PHF21B: variants seen among roughly 807,000 people sequenced by gnomAD.
PHF21B encodes PHD finger protein 21B.
In PHF21B, 22 loss-of-function variants were observed where a neutral mutation model predicts 62.2. The observed-to-expected ratio is 0.35, with a 90% confidence interval of 0.25 to 0.51. The LOEUF is 0.51. Ranked by LOEUF, PHF21B falls within the 20% of genes least tolerant of loss-of-function variation. The pLI is 0.97. For synonymous variants in PHF21B, 341 were observed against 314.7 expected, an observed-to-expected ratio of 1.08 and a Z score of -0.88; for missense variants, 701 against 707.9, an observed-to-expected ratio of 0.99 and a Z score of 0.11.
In PHF21B at chr22:44,883,037, AGCAGGGTCCCAATAACTTTCCGT is replaced by A. The variant is rs758378782; in HGVS notation, c.*26_*48del. The A allele has an allele frequency of 6.5e-7, 1 of 1,546,308 alleles. No homozygotes were observed. The highest frequency in any genetic ancestry group is 1.2e-5 in the South Asian group (1 of 83,396). ...GCCGACAGAACCCCCAGGCTGTGTA[AGCAGGGTCCCAATAACTTTCCGT>A]GGGTATGAAGACTGGTCCCTCGGGG... is the stretch of plus-strand genomic sequence containing the variant. On this transcript the variant is annotated 3_prime_UTR_variant, in exon 13 of 13. Transcript: ENST00000313237.
intron 2 of PHF21B, among the ~76,000 whole-genome samples, chr22:45,007,376 T>C (rs1335264933): frequency 1.4e-5 from 2 of 143,430 alleles, no homozygotes; most frequent in African/African-American, 5.2e-5. Context: ...CGCCAGAAAA[T>C]CCCCCGGGGG....
intron 5 of PHF21B, among the ~76,000 whole-genome samples, chr22:44,913,054 G>GAGTC (rs2071372649): frequency 6.6e-6 from 1 of 152,146 alleles, no homozygotes; most frequent in Non-Finnish European, 1.5e-5. Context: ...GGACGGCCCT[G>GAGTC]AGTCAGCTGC....
At chr22:44,998,395 T>C (rs1281584706) in intron 2 of PHF21B, among the ~76,000 whole-genome samples, 3 of 152,180 alleles carry the variant, frequency 2.0e-5, no homozygotes, top group East Asian at 1.9e-4. Context: ...AATAGGTTTC[T>C]CGCATGGGCC....
At chr22:44,886,487 G>C (rs896741912) in intron 10 of PHF21B, among the ~76,000 whole-genome samples, 2 of 149,144 alleles carry the variant, frequency 1.3e-5, no homozygotes, top group African/African-American at 4.9e-5. Flanking sequence ...AGGAGTTCGA[G>C]ATCAGCCTGG....
At chr22:44,918,493 G>A (rs1029052156) in intron 3 of PHF21B, among the ~76,000 whole-genome samples, 1 of 152,162 alleles carries the variant, frequency 6.6e-6, no homozygotes, top group Non-Finnish European at 1.5e-5. Context: ...GTGCCTCCTG[G>A]CCTGTATGCA....
Position 45,009,402 on chromosome 22 carries a change from G to A in PHF21B, c.54+94C>T. 1.5e-6 allele frequency: 2 copies of A among 1,300,968 alleles called. No individual in the cohort carries two copies. Among genetic ancestry groups the A allele is most frequent in the Admixed American group, 2.6e-5 (1 of 37,926 alleles). The allele number at this position is 1,300,968 out of a possible 1,614,324, so 80.6% of individuals were successfully genotyped here. Reference sequence around the variant, plus strand: ...GGCAGGCTCCAGCCTGGAAGACCCAGAGACCCGGAAGAGAGGATGCTGGGC... The same window carrying A: ...GGCAGGCTCCAGCCTGGAAGACCCAAAGACCCGGAAGAGAGGATGCTGGGC... On this transcript the variant is annotated intron_variant, in intron 1 of 12. Coordinates refer to ENST00000313237, the MANE Select transcript of PHF21B (RefSeq NM_138415.5). This position sits in a 1 kb window ranked among gnomAD's most constrained non-coding sequence, Gnocchi z 5.9.
chr22:44,988,029 CAG>C (rs1395809968), intron 2 of PHF21B, among the ~76,000 whole-genome samples: 2 of 152,182 alleles, frequency 1.3e-5, no homozygotes, highest in Admixed American at 6.5e-5. Context: ...GAATGACTAA[CAG>C]GGAATCCCTG....
At chr22:44,993,334 C>T (rs1032427439) in intron 2 of PHF21B, among the ~76,000 whole-genome samples, 1 of 152,202 alleles carries the variant, frequency 6.6e-6, no homozygotes, top group African/African-American at 2.4e-5. Context: ...GTGTCCCCTC[C>T]GGTAAAAGGG....
intron 2 of PHF21B, among the ~76,000 whole-genome samples, chr22:44,983,215 C>T (rs1032379108): frequency 7.2e-6 from 1 of 139,402 alleles, no homozygotes; most frequent in African/African-American, 2.7e-5. Flanking sequence ...GCCTGGGCGA[C>T]AGAGCGAGAC....
intron 5 of PHF21B, among the ~76,000 whole-genome samples, chr22:44,898,537 C>A (rs190300562): frequency 1.3e-5 from 2 of 152,272 alleles, no homozygotes; most frequent in African/African-American, 2.4e-5. Flanking sequence ...GGGAATCAGA[C>A]TCCACTCAGG....
At chr22:44,991,356 C>T (rs186221832) in intron 2 of PHF21B, among the ~76,000 whole-genome samples, 1 of 152,244 alleles carries the variant, frequency 6.6e-6, no homozygotes, top group African/African-American at 2.4e-5. Context: ...GAAGGGATTT[C>T]CGGTGCCTGG....
Position 45,009,606 on chromosome 22 carries a change from C to G in PHF21B, c.-57G>C. On this transcript the variant is annotated 5_prime_UTR_variant, in exon 1 of 13. Coordinates refer to ENST00000313237, the MANE Select transcript of PHF21B (RefSeq NM_138415.5). The surrounding 1 kb of genome is among the most constrained non-coding windows in gnomAD (Gnocchi z 5.9). ...TTTGGCCCGGGCTCCCGGGAAGTTG[C>G]GCGGCTCCGCGGGGGCCAGAGCGGG... The G allele has an allele frequency of 1.3e-6, 2 of 1,484,510 alleles. No individual in the cohort carries two copies. The highest frequency in any genetic ancestry group is 8.9e-7 in the Non-Finnish European group (1 of 1,127,314). 92.0% of individuals were successfully genotyped at this position (1,484,510 alleles called of 1,614,324 possible). A position where few individuals can be genotyped will look rare whatever the true frequency, so the allele number is the denominator to read the frequency against.
intron 2 of PHF21B, among the ~76,000 whole-genome samples, chr22:44,984,105 CACCACCATA>C (rs1237529865): frequency 6.7e-6 from 1 of 148,938 alleles, no homozygotes; most frequent in Admixed American, 6.7e-5. Flanking sequence ...TCACCATCAT[CACCACCATA>C]ACCACCATCA....
chr22:44,956,974 G>A (rs1411840682), intron 2 of PHF21B, among the ~76,000 whole-genome samples: 1 of 152,218 alleles, frequency 6.6e-6, no homozygotes, highest in East Asian at 1.9e-4. Flanking sequence ...GGAGGCAGCC[G>A]TCACGCCTCA....
At chr22:44,978,174 T>C (rs990817201) in intron 2 of PHF21B, among the ~76,000 whole-genome samples, 7 of 152,134 alleles carry the variant, frequency 4.6e-5, no homozygotes, top group Non-Finnish European at 1.0e-4. Flanking sequence ...GATCTCCGGT[T>C]TGCAGGAGAT....
At chr22:44,904,506 G>GTTGGCAGCGA (rs1555934863) in intron 5 of PHF21B, among the ~76,000 whole-genome samples, 1 of 143,220 alleles carries the variant, frequency 7.0e-6, no homozygotes, top group African/African-American at 2.6e-5. Flanking sequence ...ACTTAACTGA[G>GTTGGCAGCGA]CTTCCAGAAG....
intron 2 of PHF21B, 69 bp downstream of exon 2, chr22:45,008,476 A>T (rs1235588558): frequency 1.1e-5 from 15 of 1,411,878 alleles, no homozygotes; most frequent in Non-Finnish European, 1.1e-5. Flanking sequence ...GGCACTTTTT[A>T]GGGCGCCGCC....
chr22:45,009,310 G>A lies in PHF21B; in HGVS notation c.54+186C>T, dbSNP rs1321798374. On this transcript the variant is annotated intron_variant, in intron 1 of 12. Transcript: ENST00000313237. The surrounding 1 kb of genome is among the most constrained non-coding windows in gnomAD (Gnocchi z 5.9). The stretch of plus-strand genomic sequence containing the variant: ...CCGCAAACTGTGCAGGACAGCGCCA[G>A]GGGCAGGCGGAGGGGAGCCCAGAAG... 1 of 635,680 alleles carries A rather than the reference G, an allele frequency of 1.6e-6. No individual in the cohort carries two copies. The highest frequency in any genetic ancestry group is 2.6e-6 in the Non-Finnish European group (1 of 384,456). The allele number at this position is 635,680 out of a possible 1,614,324, so 39.4% of individuals were successfully genotyped here.
chr22:45,002,322 C>G (rs1007171257), intron 2 of PHF21B, among the ~76,000 whole-genome samples: 2 of 152,138 alleles, frequency 1.3e-5, no homozygotes, highest in Non-Finnish European at 2.9e-5. Flanking sequence ...TATGTACATA[C>G]ACACACACCA....
Sources: allele counts gnomAD v4.1 joint callset (sites outside exome capture counted in the v4.1 genomes callset), GRCh38; gene constraint gnomAD v4.1.1; non-coding constraint Gnocchi (gnomAD v3.1); transcripts MANE v1.5; gene names NCBI Gene and HGNC (gene_info 2026-07-23, HGNC 2026-07-21).